The following HNRNPF variants were observed in gnomAD, a reference collection of about 807,000 sequenced individuals.
The protein encoded by HNRNPF is HnRNP F protein.
HNRNPF carries 2 observed loss-of-function variants against 26.0 expected under a neutral mutation model. That is an observed-to-expected ratio of 0.08 (90% confidence interval 0.03 to 0.24). HNRNPF has a LOEUF of 0.24. Ranked by LOEUF, HNRNPF falls within the 10% of genes least tolerant of loss-of-function variation. HNRNPF has a pLI of 1.00. For missense variants in HNRNPF, 299 were observed against 539.2 expected (o/e 0.55, Z 4.41); for synonymous variants, 234 against 211.5 (o/e 1.11, Z -0.92).
chr10:43,389,056 C>T (rs929946729), intron 3 of HNRNPF, among the ~76,000 whole-genome samples: 11 of 151,174 alleles, frequency 7.3e-5, no homozygotes, highest in Non-Finnish European at 1.6e-4. Context: ...CTGCAACCTC[C>T]GCCTCCTGGG....
chr10:43,401,408 C>G (rs1337536905), intron 1 of HNRNPF, among the ~76,000 whole-genome samples: 1 of 152,196 alleles, frequency 6.6e-6, no homozygotes, highest in Non-Finnish European at 1.5e-5. Context: ...TCTGACCGAT[C>G]ATAAAACAAG....
rs529532142 is a variant in HNRNPF at position 43,393,558 on chromosome 10, T to G, written c.-53+1072A>C. On this transcript the variant is annotated intron_variant, in intron 3 of 3. Transcript: ENST00000682386. Reference sequence around the variant, plus strand: ...TTGCGGTGAGCCAATGTCGCGTCACTGCACTCCAGCCTAGGCAACAGGAGC... The same window carrying G: ...TTGCGGTGAGCCAATGTCGCGTCACGGCACTCCAGCCTAGGCAACAGGAGC... 3.3e-5 allele frequency among the ~76,000 whole-genome samples: 5 copies of G among 151,510 alleles called. No individual in the cohort carries two copies. The East Asian group carries it at 9.7e-4, about 29-fold the overall frequency.
In HNRNPF at chr10:43,386,554, A is replaced by G; in HGVS notation, c.*83T>C. ...ACTCATGGTGCAAAATGGGTCCCCC[A>G]GCTTCCTCTATTATAACTGCTCTTA... On this transcript the variant is annotated 3_prime_UTR_variant, in exon 4 of 4. Transcript: ENST00000682386. 1 of 1,311,486 alleles carries G rather than the reference A, an allele frequency of 7.6e-7. No homozygotes were observed. 81.2% of individuals were successfully genotyped at this position (1,311,486 alleles called of 1,614,324 possible).
At chr10:43,388,039 A>T (rs1180087075) in intron 3 of HNRNPF, 103 bp from the exon 4 acceptor site, 1 of 619,222 alleles carries the variant, frequency 1.6e-6, no homozygotes, top group Non-Finnish European at 2.8e-6. Context: ...ACCAAATACA[A>T]TTGAGAGCTA....
chr10:43,391,719 A>ACAGCTCTGCTCTGGGTCCAACCTCAC (rs1838256629), intron 3 of HNRNPF, among the ~76,000 whole-genome samples: 1 of 152,162 alleles, frequency 6.6e-6, no homozygotes, highest in East Asian at 1.9e-4. Flanking sequence ...ATCGTGAACA[A>ACAGCTCTGCTCTGGGTCCAACCTCAC]CAGCTCTGCT....
At chr10:43,388,107 ACAAAT>A (rs1838103255) in intron 3 of HNRNPF, among the ~76,000 whole-genome samples, 171 bp from the exon 4 acceptor site, 1 of 152,170 alleles carries the variant, frequency 6.6e-6, no homozygotes, top group African/African-American at 2.4e-5. Flanking sequence ...AGTTTGAAAA[ACAAAT>A]CAGGAGTTTA....
rs1838045181 is a variant in HNRNPF at position 43,386,825 on chromosome 10, G to A, written c.1060C>T (p.His354Tyr). The stretch of plus-strand genomic sequence containing the variant: ...TTCAAGAAGAGTTCTATATATCTGT[G>A]CTGCATATTGGCCCTGTCTTTGGAC... ...AMSKDRANMQ[H>Y]RYIELFLNST... The change falls in exon 4 of 4, where the codon CAC (histidine) becomes TAC (tyrosine). Residue 354 changes from histidine to tyrosine, a missense_variant. This residue lies in a region of HNRNPF where 36 missense variants were observed against 93.8 expected (regional missense o/e 0.38). Coordinates refer to ENST00000682386, the MANE Select transcript of HNRNPF (RefSeq NM_001098204.2). 6.2e-7 allele frequency: 1 copy of A among 1,614,134 alleles called. No individual in the cohort carries two copies. Among genetic ancestry groups the A allele is most frequent in the Non-Finnish European group, 8.5e-7 (1 of 1,180,034 alleles).
chr10:43,402,585 C>T (rs1027441368), intron 1 of HNRNPF, among the ~76,000 whole-genome samples: 3 of 152,188 alleles, frequency 2.0e-5, no homozygotes, highest in Admixed American at 6.5e-5. Context: ...ACTAATACAA[C>T]GTGTTACCAA....
chr10:43,398,082 C>A (rs1029202747), intron 1 of HNRNPF, among the ~76,000 whole-genome samples: 2 of 152,208 alleles, frequency 1.3e-5, no homozygotes, highest in Non-Finnish European at 2.9e-5. Context: ...GGCTGGAGTG[C>A]AGTGGCATGA....
Position 43,402,631 on chromosome 10 carries a change from A to G in HNRNPF, c.-246-6041T>C, listed in dbSNP as rs532713442. Among the ~76,000 whole-genome samples, 24 of 152,362 alleles carry G rather than the reference A, an allele frequency of 1.6e-4. No homozygotes were observed. In the East Asian group the frequency reaches 4.6e-3, roughly 29 times the overall value. Reference sequence around the variant, plus strand: ...AACATCACAAGAAAACTAACTTCTGAATTCTATGTACTTTAAGAGGATCGT... The same window carrying G: ...AACATCACAAGAAAACTAACTTCTGGATTCTATGTACTTTAAGAGGATCGT... On this transcript the variant is annotated intron_variant, in intron 1 of 3. Transcript: ENST00000682386.
intron 1 of HNRNPF, among the ~76,000 whole-genome samples, chr10:43,406,034 A>G (rs1171936596): frequency 1.3e-5 from 2 of 152,040 alleles, no homozygotes; most frequent in Non-Finnish European, 2.9e-5. Context: ...CCATTTTCTC[A>G]TCTGAAACAT....
rs1381390051 is a variant in HNRNPF at position 43,386,451 on chromosome 10, CTCAT to C, written c.*182_*185del. The C allele has an allele frequency of 3.6e-6, 2 of 559,612 alleles. No individual in the cohort carries two copies. Among genetic ancestry groups the C allele is most frequent in the Non-Finnish European group, 6.2e-6 (2 of 322,004 alleles). 34.7% of individuals were successfully genotyped at this position (559,612 alleles called of 1,614,324 possible). ...AAAAGCTGAAAATAGTTTTAGTTTACTCATTATCACATGCTAGAAGAAAATTTTG... is the reference window on the plus strand; with the variant it reads ...AAAAGCTGAAAATAGTTTTAGTTTACTATCACATGCTAGAAGAAAATTTTG... On this transcript the variant is annotated 3_prime_UTR_variant, in exon 4 of 4. Coordinates refer to ENST00000682386, the MANE Select transcript of HNRNPF (RefSeq NM_001098204.2).
At chr10:43,405,528 CGCCTGTAGTCCCA>C (rs1458740034) in intron 1 of HNRNPF, among the ~76,000 whole-genome samples, 1 of 151,970 alleles carries the variant, frequency 6.6e-6, no homozygotes, top group African/African-American at 2.4e-5. Context: ...TGGTGGCGGC[CGCCTGTAGTCCCA>C]GCAACTCGGG....
rs772941210 is a variant in HNRNPF, at chr10:43,387,057, G to A, written c.828C>T (p.Tyr276=). 9.3e-6 allele frequency: 15 copies of A among 1,612,602 alleles called. No individual in the cohort carries two copies. The highest frequency in any genetic ancestry group is 6.7e-5 in the African/African-American group (5 of 74,920). Residue 276 remains tyrosine (Y), a synonymous_variant, in exon 4 of 4, where the codon TAC becomes TAT. Coordinates refer to ENST00000682386, the MANE Select transcript of HNRNPF (RefSeq NM_001098204.2). The surrounding 1 kb of genome is among the most constrained non-coding windows in gnomAD (Gnocchi z 6.0). The part of the protein sequence containing the change: ...YCLSGMYDHR[Y]GDSEFTVQST... ...TCTGCACTGTGAACTCACTGTCGCCGTATCTGTGGTCATACATTCCGGAGA... is the reference window on the plus strand; with the variant it reads ...TCTGCACTGTGAACTCACTGTCGCCATATCTGTGGTCATACATTCCGGAGA...
chr10:43,402,905 T>A (rs1007611426), intron 1 of HNRNPF, among the ~76,000 whole-genome samples: 2 of 150,738 alleles, frequency 1.3e-5, no homozygotes, highest in African/African-American at 4.9e-5. Flanking sequence ...TTTTTTTTTT[T>A]AAACGGGGTC....
chr10:43,397,685 T>C (rs966591376), intron 1 of HNRNPF, among the ~76,000 whole-genome samples: 1 of 152,236 alleles, frequency 6.6e-6, no homozygotes, highest in Non-Finnish European at 1.5e-5. Flanking sequence ...TCCTAAACTT[T>C]TAACTAACGC....
chr10:43,406,952 A>G (rs1380927449), intron 1 of HNRNPF, among the ~76,000 whole-genome samples: 1 of 152,228 alleles, frequency 6.6e-6, no homozygotes, highest in Admixed American at 6.5e-5. Context: ...AAATTCTGTG[A>G]GAGCAACGAG....
At chr10:43,405,280 A>G (rs147291431) in intron 1 of HNRNPF, among the ~76,000 whole-genome samples, 1 of 152,376 alleles carries the variant, frequency 6.6e-6, no homozygotes, top group African/African-American at 2.4e-5. Context: ...TCTATTGGAC[A>G]GTGCTGCTCT....
intron 3 of HNRNPF, among the ~76,000 whole-genome samples, chr10:43,392,872 C>T (rs1042614963): frequency 6.6e-6 from 1 of 152,176 alleles, no homozygotes; most frequent in African/African-American, 2.4e-5. Flanking sequence ...GTAGACACAA[C>T]TCCACTCCAC....
Sources: gnomAD v4.1 joint callset for allele counts (sites outside exome capture counted in the v4.1 genomes callset) on GRCh38, gnomAD v4.1.1 for gene constraint, gnomAD v4.1.1 regional missense constraint, Gnocchi (gnomAD v3.1) non-coding constraint, MANE v1.5 for transcripts, NCBI Gene and HGNC (gene_info 2026-07-23, HGNC 2026-07-21) for gene names.